The following OR4N2 variants were observed in gnomAD, a reference collection of about 807,000 sequenced individuals.
OR4N2 encodes the protein olfactory receptor 4N2.
For synonymous variants in OR4N2, 141 were observed against 140.4 expected (o/e 1.00, Z -0.03); for missense variants, 307 against 377.6 (o/e 0.81, Z 1.55).
At chr14:19,820,044 T>C (rs1879525614) in intron 1 of OR4N2, among the ~76,000 whole-genome samples, 1 of 152,260 alleles carries the variant, frequency 6.6e-6, no homozygotes, top group Non-Finnish European at 1.5e-5. Context: ...TTACTGCCTG[T>C]TCCTTCTTCT....
At chr14:19,805,860 G>A (rs1364751744) in intron 1 of OR4N2, among the ~76,000 whole-genome samples, 2 of 152,132 alleles carry the variant, frequency 1.3e-5, no homozygotes, top group African/African-American at 2.4e-5. Flanking sequence ...AACCCCATCA[G>A]GCTAGCAGCA....
chr14:19,814,048 T>TA (rs1307763440), intron 1 of OR4N2, among the ~76,000 whole-genome samples: 3 of 152,118 alleles, frequency 2.0e-5, no homozygotes, highest in Admixed American at 2.0e-4. Flanking sequence ...GGTGATAAAT[T>TA]ATGTTTATTA....
chr14:19,809,176 C>G (rs1052078412), intron 1 of OR4N2, among the ~76,000 whole-genome samples: 1 of 152,132 alleles, frequency 6.6e-6, no homozygotes, highest in Non-Finnish European at 1.5e-5. Flanking sequence ...GAAACTTGAC[C>G]CTTATTTTTC....
chr14:19,813,193 A>G (rs1468381241), intron 1 of OR4N2, among the ~76,000 whole-genome samples: 1 of 152,242 alleles, frequency 6.6e-6, no homozygotes, highest in Non-Finnish European at 1.5e-5. Context: ...CTACTCCAAG[A>G]TGGGGTTGTT....
intron 1 of OR4N2, among the ~76,000 whole-genome samples, chr14:19,804,653 A>G (rs1879119646): frequency 6.6e-6 from 1 of 152,250 alleles, no homozygotes; most frequent in African/African-American, 2.4e-5. Context: ...CCATATGCAG[A>G]TGAGAAGAAT....
chr14:19,808,823 G>GA (rs35794180), intron 1 of OR4N2, among the ~76,000 whole-genome samples: 80,737 of 147,626 alleles, frequency 0.55, 19,129 homozygotes, highest in Non-Finnish European at 0.62. Context: ...CAGAAATATT[G>GA]AAAAAAAAAA....
At position 19,816,430 on chromosome 14, in the gene OR4N2, A is replaced by T. The variant is rs181643239; in HGVS notation, c.-9-11010A>T. On this transcript the variant is annotated intron_variant, in intron 1 of 1. Transcript: ENST00000557677. ...GTCCTTCATATCCCTTGTTAGTTGTATTCCTAGGTATTTTATTCTCTTTGT... is the reference window on the plus strand; with the variant it reads ...GTCCTTCATATCCCTTGTTAGTTGTTTTCCTAGGTATTTTATTCTCTTTGT... 7.9e-3 allele frequency among the ~76,000 whole-genome samples: 1,199 copies of T among 152,120 alleles called. 8 individuals carry two copies. Among genetic ancestry groups the T allele is most frequent in the African/African-American group, 0.026 (1,097 of 41,420 alleles).
chr14:19,804,501 T>G (rs1686563), intron 1 of OR4N2, among the ~76,000 whole-genome samples: 3 of 152,054 alleles, frequency 2.0e-5, no homozygotes, highest in Admixed American at 1.3e-4. Flanking sequence ...TTTTCACATA[T>G]GCTTTTGATG....
chr14:19,815,044 G>A (rs1879390805), intron 1 of OR4N2, among the ~76,000 whole-genome samples: 1 of 152,210 alleles, frequency 6.6e-6, no homozygotes, highest in African/African-American at 2.4e-5. Context: ...ATGTATATGT[G>A]ACCCATTTTC....
chr14:19,823,544 T>G (rs1343296510), intron 1 of OR4N2, among the ~76,000 whole-genome samples: 31 of 152,246 alleles, frequency 2.0e-4, no homozygotes, highest in Non-Finnish European at 1.2e-4. Context: ...GATTTTCTGG[T>G]TTTTGTTTTG....
Position 19,815,646 on chromosome 14 carries a change from T to G in OR4N2, c.-9-11794T>G, listed in dbSNP as rs200009186. On this transcript the variant is annotated intron_variant, in intron 1 of 1. Transcript: ENST00000557677. ...GTTGACTGTCCACTCTGATGAGAGG[T>G]TTTTTTTTGTTTTTTTTTTTTTTGT... Among the ~76,000 whole-genome samples the G allele has an allele frequency of 1.1e-3, 137 of 121,766 alleles. No individual in the cohort carries two copies. In the South Asian group the frequency reaches 0.028, roughly 25 times the overall value. The allele number at this position is 121,766 out of a possible 152,430, so 79.9% of individuals were successfully genotyped here. A position where few individuals can be genotyped will look rare whatever the true frequency, so the allele number is the denominator to read the frequency against.
intron 1 of OR4N2, among the ~76,000 whole-genome samples, chr14:19,804,141 A>G (rs1879096388): frequency 6.6e-6 from 1 of 152,190 alleles, no homozygotes; most frequent in South Asian, 2.1e-4. Context: ...GTTATTCTGA[A>G]GAAACAAAAC....
intron 1 of OR4N2, among the ~76,000 whole-genome samples, chr14:19,808,112 A>T (rs1879209560): frequency 6.6e-6 from 1 of 152,178 alleles, no homozygotes; most frequent in Admixed American, 6.5e-5. Flanking sequence ...TCTATGACAG[A>T]CCCACAGCCA....
chr14:19,811,325 C>A (rs1174720482), intron 1 of OR4N2, among the ~76,000 whole-genome samples: 14 of 152,240 alleles, frequency 9.2e-5, no homozygotes, highest in African/African-American at 3.1e-4. Flanking sequence ...CGGCTCACTG[C>A]AAGTTCTGCC....
chr14:19,817,795 G>T (rs1879465374), intron 1 of OR4N2, among the ~76,000 whole-genome samples: 1 of 152,208 alleles, frequency 6.6e-6, no homozygotes, highest in South Asian at 2.1e-4. Flanking sequence ...GTCAATTTTA[G>T]ATCTTTCCTG....
intron 1 of OR4N2, among the ~76,000 whole-genome samples, chr14:19,820,176 T>C (rs1299859080): frequency 2.6e-5 from 4 of 152,222 alleles, no homozygotes; most frequent in Admixed American, 2.0e-4. Flanking sequence ...AGGGAGCCAC[T>C]TGAGGAGGCA....
chr14:19,807,549 T>C (rs1271001422), intron 1 of OR4N2, among the ~76,000 whole-genome samples: 8 of 151,790 alleles, frequency 5.3e-5, no homozygotes, highest in Admixed American at 1.3e-4. Flanking sequence ...ATTGAAACCC[T>C]GATTAGACCA....
At chr14:19,804,276 C>G (rs373811046) in intron 1 of OR4N2, among the ~76,000 whole-genome samples, 2 of 152,014 alleles carry the variant, frequency 1.3e-5, no homozygotes, top group Non-Finnish European at 2.9e-5. Context: ...TCTAGTTTCT[C>G]TCGGTGTGAT....
chr14:19,805,907 TG>T (rs1402709006), intron 1 of OR4N2, among the ~76,000 whole-genome samples: 1 of 152,116 alleles, frequency 6.6e-6, no homozygotes, highest in Non-Finnish European at 1.5e-5. Context: ...CAGAAAAAAT[TG>T]GGGGCCTATT....
Sources: gnomAD v4.1 joint callset for allele counts (sites outside exome capture counted in the v4.1 genomes callset) on GRCh38, gnomAD v4.1.1 for gene constraint, MANE v1.5 for transcripts, NCBI Gene and HGNC (gene_info 2026-07-23, HGNC 2026-07-21) for gene names.